The following PPP2R5D variants were observed in gnomAD, a reference collection of about 807,000 sequenced individuals.
The protein encoded by PPP2R5D is protein phosphatase 2 regulatory subunit B'delta.
A neutral mutation model predicts 79.1 loss-of-function variants in PPP2R5D; 12 were observed. That is an observed-to-expected ratio of 0.15 (90% CI 0.10 to 0.25). PPP2R5D has a LOEUF of 0.25. Ranked by LOEUF, PPP2R5D falls within the 10% of genes least tolerant of loss-of-function variation. The probability of loss-of-function intolerance (pLI) is 1.00; values close to 1 mark genes in which losing one functional copy is unlikely to be tolerated. For synonymous variants in PPP2R5D, 277 were observed against 286.6 expected, an observed-to-expected ratio of 0.97 and a Z score of 0.34; for missense variants, 419 against 760.2, an observed-to-expected ratio of 0.55 and a Z score of 5.28.
At chr6:42,993,281 G>C (rs572831373) in intron 2 of PPP2R5D, among the ~76,000 whole-genome samples, 80 of 148,274 alleles carry the variant, frequency 5.4e-4, no homozygotes, top group Non-Finnish European at 9.6e-4. Context: ...TAGGCAACAA[G>C]AGCGAAACTC....
In PPP2R5D at chr6:43,012,128, T is replaced by A. The variant is rs904808911; in HGVS notation, c.*842T>A. 1 of 856,616 alleles carries A rather than the reference T, an allele frequency of 1.2e-6. No homozygotes were observed. The highest frequency in any genetic ancestry group is 1.4e-6 in the Non-Finnish European group (1 of 701,246). 53.1% of individuals were successfully genotyped at this position (856,616 alleles called of 1,614,324 possible). On this transcript the variant is annotated 3_prime_UTR_variant, in exon 16 of 16. Coordinates refer to ENST00000485511, the MANE Select transcript of PPP2R5D (RefSeq NM_006245.4). ...CACCTATTTATTTCCTTGTTTGTGC[T>A]ATGCTGGGCAGGCCTTCTCTTGTCC...
intron 2 of PPP2R5D, among the ~76,000 whole-genome samples, chr6:42,997,484 G>C (rs533008665): frequency 6.7e-6 from 1 of 149,912 alleles, no homozygotes; most frequent in Non-Finnish European, 1.5e-5. Flanking sequence ...GGGCCACTGT[G>C]CCTGGCCGTT....
chr6:43,009,364 A>C lies in PPP2R5D; in HGVS notation c.1294A>C (p.Met432Leu). ...CTATTACTGGAACAATGAGTACATC[A>C]TGAGCCTGATAAGTGACAATGCTGC... ...ALYYWNNEYI[M>L]SLISDNAARV... Residue 432 changes from methionine (M) to leucine (L), a missense_variant, in exon 12 of 16, where the codon ATG becomes CTG. Physicochemically the swap from Met to Leu is conservative, Grantham distance 15. Coordinates refer to ENST00000485511, the MANE Select transcript of PPP2R5D (RefSeq NM_006245.4). This position sits in a 1 kb window ranked among gnomAD's most constrained non-coding sequence, Gnocchi z 5.6. 4 of 1,614,092 alleles carry C rather than the reference A, an allele frequency of 2.5e-6. No individual in the cohort carries two copies. The highest frequency in any genetic ancestry group is 3.4e-6 in the Non-Finnish European group (4 of 1,180,008).
Position 43,006,840 on chromosome 6 carries a change from GC to G in PPP2R5D, c.323-68del, listed in dbSNP as rs1425403481. 1.3e-6 allele frequency: 2 copies of G among 1,594,042 alleles called. No homozygotes were observed. The highest frequency in any genetic ancestry group is 4.5e-5 in the East Asian group (2 of 44,618). On this transcript the variant is annotated intron_variant, in intron 3 of 15. Transcript: ENST00000485511. The surrounding 1 kb of genome is among the most constrained non-coding windows in gnomAD (Gnocchi z 4.7). ...TGGTGGCAGGGTGGGGTAAGGGAAA[GC>G]CCTTGAAGGCAAGCAGGGCATCGCA...
chr6:42,992,517 A>C (rs866643519), intron 2 of PPP2R5D, among the ~76,000 whole-genome samples: 16 of 152,200 alleles, frequency 1.1e-4, no homozygotes, highest in South Asian at 2.1e-4. Context: ...CAGCCATAAT[A>C]AACTACTACA....
In PPP2R5D at chr6:42,993,246, G is replaced by A. The variant is rs571692613; in HGVS notation, c.105+3558G>A. Among the ~76,000 whole-genome samples, 3 of 151,190 alleles carry A rather than the reference G, an allele frequency of 2.0e-5. No individual in the cohort carries two copies. The South Asian group carries it at 6.3e-4, about 32-fold the overall frequency. ...CAAGAGCCGGAGGATGCAGTGAGCC[G>A]ATATTGCACCATTGCAACCCAGACT... On this transcript the variant is annotated intron_variant, in intron 2 of 15. Coordinates refer to ENST00000485511, the MANE Select transcript of PPP2R5D (RefSeq NM_006245.4).
chr6:43,006,320 C>A lies in PPP2R5D; in HGVS notation c.106-143C>A. On this transcript the variant is annotated intron_variant, in intron 2 of 15. Transcript: ENST00000485511. The surrounding 1 kb of genome is among the most constrained non-coding windows in gnomAD (Gnocchi z 4.7). ...GGCTACAGCACAGTTATCTCTGTAA[C>A]CCTGGCCTTAGCTCCTTCGGGGCAG... 7.1e-7 allele frequency: 1 copy of A among 1,415,280 alleles called. No individual in the cohort carries two copies. The highest frequency in any genetic ancestry group is 2.5e-5 in the East Asian group (1 of 39,932). 87.7% of individuals were successfully genotyped at this position (1,415,280 alleles called of 1,614,324 possible).
chr6:43,008,269 C>T lies in PPP2R5D; in HGVS notation c.917+9C>T, dbSNP rs199597619. On this transcript the variant is annotated intron_variant, in intron 8 of 15. Transcript: ENST00000485511. This position sits in a 1 kb window ranked among gnomAD's most constrained non-coding sequence, Gnocchi z 4.2. ...CTGGAGATCCTGGGCAGGTGAGAGG[C>T]CGGGTGGGGGCACAGATGCCTGAAA... is the stretch of plus-strand genomic sequence containing the variant. 18 of 1,614,006 alleles carry T rather than the reference C, an allele frequency of 1.1e-5. No individual in the cohort carries two copies. The highest frequency in any genetic ancestry group is 1.4e-5 in the Non-Finnish European group (17 of 1,180,034).
chr6:43,000,259 A>C (rs1384932117), intron 2 of PPP2R5D, among the ~76,000 whole-genome samples: 1 of 81,522 alleles, frequency 1.2e-5, no homozygotes, highest in Non-Finnish European at 2.0e-5. Flanking sequence ...TTTTTTTGAG[A>C]TAGAGTCTTG....
chr6:42,988,330 G>A (rs1343590593), intron 1 of PPP2R5D, among the ~76,000 whole-genome samples: 1 of 152,192 alleles, frequency 6.6e-6, no homozygotes, highest in Non-Finnish European at 1.5e-5. Context: ...CCTTACAGGA[G>A]GTCACCAAGC....
Position 43,007,281 on chromosome 6 carries a change from T to C in PPP2R5D, c.608T>C (p.Leu203Pro). 1 of 1,614,188 alleles carries C rather than the reference T, an allele frequency of 6.2e-7. No individual in the cohort carries two copies. The highest frequency in any genetic ancestry group is 1.3e-5 in the African/African-American group (1 of 75,056). ...GACCCAGAGGAAGATGAGCCCACCC[T>C]GGAAGCTGCTTGGCCACATCTCCAG... ...EFDPEEDEPTLEAAWPHLQLV... is the reference protein window; with the variant it reads ...EFDPEEDEPTPEAAWPHLQLV... The change falls in exon 5 of 16, where the codon CTG becomes CCG. Residue 203 changes from leucine to proline, a missense_variant. This residue lies in a region of PPP2R5D where 196 missense variants were observed against 424.5 expected (regional missense o/e 0.46). Transcript: ENST00000485511. The surrounding 1 kb of genome is among the most constrained non-coding windows in gnomAD (Gnocchi z 4.5).
intron 2 of PPP2R5D, among the ~76,000 whole-genome samples, chr6:42,995,126 CTTTTTTTTTTTTT>C (rs889250251): frequency 9.4e-6 from 1 of 106,366 alleles, no homozygotes; most frequent in Non-Finnish European, 1.8e-5. Context: ...CTTTTTCTTT[CTTTTTTTTTTTTT>C]TTTTTTTTGG....
In PPP2R5D at chr6:43,010,937, G is replaced by A. The variant is rs984768795; in HGVS notation, c.1611G>A (p.Glu537=). The A allele has an allele frequency of 6.2e-7, 1 of 1,614,042 alleles. No homozygotes were observed. Among genetic ancestry groups the A allele is most frequent in the African/African-American group, 1.3e-5 (1 of 74,892 alleles). ...PLPPVYSMET[E]TPTAEDIQLL... ...CCCCTGTGTACTCGATGGAGACAGA[G>A]ACCCCCACAGCTGAGGACATCCAGC... is the stretch of plus-strand genomic sequence containing the variant. The change falls in exon 15 of 16, where the codon GAG becomes GAA. Residue 537 remains glutamate, a synonymous_variant. Coordinates refer to ENST00000485511, the MANE Select transcript of PPP2R5D (RefSeq NM_006245.4). The surrounding 1 kb of genome is among the most constrained non-coding windows in gnomAD (Gnocchi z 4.7).
At chr6:43,003,803 C>T (rs1002836482) in intron 2 of PPP2R5D, among the ~76,000 whole-genome samples, 8 of 151,924 alleles carry the variant, frequency 5.3e-5, no homozygotes, top group African/African-American at 1.5e-4. Context: ...GGCGTGATCT[C>T]GGCTCACTGC....
At chr6:42,987,119 T>TC (rs1691080489) in intron 1 of PPP2R5D, among the ~76,000 whole-genome samples, 1 of 152,158 alleles carries the variant, frequency 6.6e-6, no homozygotes, top group African/African-American at 2.4e-5. Flanking sequence ...GAGTGAACTC[T>TC]CCTTTCTTTT....
At chr6:42,987,767 G>T (rs1770960485) in intron 1 of PPP2R5D, among the ~76,000 whole-genome samples, 1 of 152,180 alleles carries the variant, frequency 6.6e-6, no homozygotes, top group Admixed American at 6.5e-5. Context: ...TCTCTCTTAG[G>T]CTCATTCTTT....
chr6:42,985,164 C>T (rs1275934672), intron 1 of PPP2R5D, among the ~76,000 whole-genome samples: 2 of 152,146 alleles, frequency 1.3e-5, no homozygotes, highest in African/African-American at 2.4e-5. Context: ...GACAGCCGCC[C>T]CGCAGTCCCC....
At chr6:42,984,932 C>T (rs904060429) in intron 1 of PPP2R5D, among the ~76,000 whole-genome samples, 3 of 151,514 alleles carry the variant, frequency 2.0e-5, no homozygotes, top group Non-Finnish European at 4.4e-5. Context: ...ATACACCTCC[C>T]TCCCTTCTTC....
chr6:43,001,999 A>G (rs150080009), intron 2 of PPP2R5D, among the ~76,000 whole-genome samples: 1 of 151,696 alleles, frequency 6.6e-6, no homozygotes, highest in Non-Finnish European at 1.5e-5. Flanking sequence ...CGATAGTGCT[A>G]TAAGGTAGGT....
Sources: gnomAD v4.1 joint callset for allele counts (sites outside exome capture counted in the v4.1 genomes callset) on GRCh38, gnomAD v4.1.1 for gene constraint, gnomAD v4.1.1 regional missense constraint, Gnocchi (gnomAD v3.1) non-coding constraint, MANE v1.5 for transcripts, NCBI Gene and HGNC (gene_info 2026-07-23, HGNC 2026-07-21) for gene names.